The following COL24A1 variants were observed in gnomAD, a reference collection of about 807,000 sequenced individuals.
The protein encoded by COL24A1 is collagen alpha-1(XXIV) chain.
In COL24A1, 224 loss-of-function variants were observed where a neutral mutation model predicts 253.9. That is an observed-to-expected ratio of 0.88 (90% confidence interval 0.79 to 0.99). The LOEUF is 0.99. Among genes scored for constraint, COL24A1 ranks in the 50% least tolerant of loss-of-function variants. COL24A1 has a pLI of 0.00. For missense variants in COL24A1, 2,131 were observed against 2,068.5 expected (o/e 1.03, Z -0.59); for synonymous variants, 685 against 673.7 (o/e 1.02, Z -0.26).
At chr1:85,974,325 G>A (rs1024918450) in intron 20 of COL24A1, among the ~76,000 whole-genome samples, 1 of 152,022 alleles carries the variant, frequency 6.6e-6, no homozygotes, top group Admixed American at 6.6e-5. Context: ...CACAAGAAAG[G>A]CCATATGTGT....
intron 19 of COL24A1, among the ~76,000 whole-genome samples, chr1:86,014,463 T>G (rs1388465946): frequency 6.6e-6 from 1 of 152,188 alleles, no homozygotes; most frequent in Non-Finnish European, 1.5e-5. Context: ...TAAATATGTA[T>G]CTCTAGTCTA....
At chr1:85,773,209 G>C (rs1040659285) in intron 53 of COL24A1, among the ~76,000 whole-genome samples, 5 of 152,106 alleles carry the variant, frequency 3.3e-5, no homozygotes, top group Non-Finnish European at 5.9e-5. Flanking sequence ...TGAGGCCTCC[G>C]TTCTGTTCCA....
At chr1:85,971,454 T>C in intron 20 of COL24A1, 61 bp from the exon 21 acceptor site, 1 of 1,334,152 alleles carries the variant, frequency 7.5e-7, no homozygotes, top group South Asian at 1.2e-5. Flanking sequence ...TTTTGATAAA[T>C]CAGCATTAAT....
In COL24A1 at chr1:85,841,278, C is replaced by A; in HGVS notation, c.3571G>T (p.Gly1191Cys). ...ACTGTGCTATCTTCTCCTGGGTAGC[C>A]CTAAAATGAAATAATGATTTATAAA... ...SGLPGPKGEK[G>C]YPGEDSTVLG... The change falls in exon 42 of 60, where the codon GGC becomes TGC. Residue 1191 changes from glycine (G) to cysteine (C), a missense_variant and splice_region_variant. Transcript: ENST00000370571. 1 of 1,586,192 alleles carries A rather than the reference C, an allele frequency of 6.3e-7. No individual in the cohort carries two copies. Among genetic ancestry groups the A allele is most frequent in the Non-Finnish European group, 8.6e-7 (1 of 1,166,548 alleles).
intron 12 of COL24A1, among the ~76,000 whole-genome samples, chr1:86,036,147 T>G (rs1030173526): frequency 6.6e-6 from 1 of 152,062 alleles, no homozygotes; most frequent in African/African-American, 2.4e-5. Flanking sequence ...TGTATTTTTC[T>G]TTATTATTAT....
chr1:85,982,989 T>C (rs1693396448), intron 20 of COL24A1, among the ~76,000 whole-genome samples: 1 of 151,584 alleles, frequency 6.6e-6, no homozygotes, highest in Non-Finnish European at 1.5e-5. Flanking sequence ...ATCTTCCTCT[T>C]ACCAAGTTAG....
At chr1:86,119,772 C>A (rs1431158970) in intron 3 of COL24A1, among the ~76,000 whole-genome samples, 2 of 151,888 alleles carry the variant, frequency 1.3e-5, no homozygotes, top group African/African-American at 4.8e-5. Flanking sequence ...TGAATAATAA[C>A]CAGAGAGCAA....
intron 19 of COL24A1, among the ~76,000 whole-genome samples, chr1:85,999,867 C>G (rs1171337207): frequency 6.6e-6 from 1 of 152,122 alleles, no homozygotes; most frequent in African/African-American, 2.4e-5. Context: ...TTTCACAACA[C>G]AAGAATTGCA....
At chr1:85,948,855 T>C (rs1689610165) in intron 24 of COL24A1, among the ~76,000 whole-genome samples, 1 of 151,256 alleles carries the variant, frequency 6.6e-6, no homozygotes, top group Non-Finnish European at 1.5e-5. Context: ...AATATATATA[T>C]ATTAAAAAAA....
chr1:85,876,662 A>G (rs1029370434), intron 33 of COL24A1, among the ~76,000 whole-genome samples: 1 of 152,202 alleles, frequency 6.6e-6, no homozygotes, highest in Non-Finnish European at 1.5e-5. Flanking sequence ...TGACAACAGG[A>G]GAGAGCAGTT....
intron 19 of COL24A1, among the ~76,000 whole-genome samples, chr1:86,003,152 G>A (rs1695601046): frequency 6.6e-6 from 1 of 152,170 alleles, no homozygotes; most frequent in Admixed American, 6.6e-5. Context: ...CATGTCATCT[G>A]AAGCAGAAAA....
rs563915002 is a variant in COL24A1, at chr1:86,057,480, T to C, written c.1851+451A>G. Among the ~76,000 whole-genome samples the C allele has an allele frequency of 2.6e-5, 4 of 152,328 alleles. No homozygotes were observed. In the East Asian group the frequency reaches 7.7e-4, roughly 29 times the overall value. On this transcript the variant is annotated intron_variant, in intron 10 of 59. Transcript: ENST00000370571. ...AATGGCTAACATTTCCTTTAATGGTTTGGGAGTGAAATGGGATGTTCTGGA... is the reference window on the plus strand; with the variant it reads ...AATGGCTAACATTTCCTTTAATGGTCTGGGAGTGAAATGGGATGTTCTGGA...
chr1:85,962,088 C>A (rs1691136180), intron 23 of COL24A1, among the ~76,000 whole-genome samples: 1 of 152,070 alleles, frequency 6.6e-6, no homozygotes, highest in Non-Finnish European at 1.5e-5. Context: ...GTAGTAAGCA[C>A]TGTGAAAGAT....
At chr1:85,895,548 G>T (rs956359988) in intron 31 of COL24A1, among the ~76,000 whole-genome samples, 1 of 152,078 alleles carries the variant, frequency 6.6e-6, no homozygotes, top group Non-Finnish European at 1.5e-5. Context: ...TTATGGATAG[G>T]TACAACCCAG....
intron 7 of COL24A1, among the ~76,000 whole-genome samples, chr1:86,075,509 T>C (rs1329610458): frequency 2.0e-5 from 3 of 151,896 alleles, no homozygotes; most frequent in South Asian, 2.1e-4. Flanking sequence ...TTCCAAACAA[T>C]AGAAAAAGAG....
intron 41 of COL24A1, 25 bp downstream of exon 41, chr1:85,842,043 T>C: frequency 6.2e-7 from 1 of 1,603,686 alleles, no homozygotes; most frequent in African/African-American, 1.3e-5. Flanking sequence ...AACTTTAAGA[T>C]TAAAAAGCCA....
intron 37 of COL24A1, among the ~76,000 whole-genome samples, chr1:85,851,486 A>G (rs1677762461): frequency 6.6e-6 from 1 of 152,164 alleles, no homozygotes; most frequent in African/African-American, 2.4e-5. Context: ...GCTGGGTTGT[A>G]GGATACATGC....
intron 55 of COL24A1, among the ~76,000 whole-genome samples, chr1:85,756,310 T>C (rs1666251986): frequency 6.6e-6 from 1 of 151,844 alleles, no homozygotes; most frequent in Non-Finnish European, 1.5e-5. Context: ...TCCCAGCTAC[T>C]CAGGAGGCTG....
chr1:85,932,983 T>C (rs9660834), intron 24 of COL24A1, among the ~76,000 whole-genome samples: 13,521 of 128,510 alleles, frequency 0.11, 546 homozygotes, highest in Non-Finnish European at 0.15. Flanking sequence ...ATATACCTAA[T>C]GCTAGATGAC....
Sources: allele counts gnomAD v4.1 joint callset (sites outside exome capture counted in the v4.1 genomes callset), GRCh38; gene constraint gnomAD v4.1.1; transcripts MANE v1.5; gene names NCBI Gene and HGNC (gene_info 2026-07-23, HGNC 2026-07-21).